ANKFY1: variants seen among roughly 807,000 people sequenced by gnomAD.
ANKFY1 encodes ankyrin repeat and FYVE domain-containing protein 1.
Under a neutral mutation model 128.3 loss-of-function variants are expected in ANKFY1, and 47 were observed. The observed-to-expected ratio is 0.37, with a 90% confidence interval of 0.29 to 0.47. ANKFY1 has a LOEUF of 0.47. Among genes scored for constraint, ANKFY1 ranks in the 20% least tolerant of loss-of-function variants. The probability of loss-of-function intolerance (pLI) is 1.00; values close to 1 mark genes in which losing one functional copy is unlikely to be tolerated. For synonymous variants in ANKFY1, 553 were observed against 601.6 expected (o/e 0.92, Z 1.18); for missense variants, 1,222 against 1,510.6 (o/e 0.81, Z 3.17).
chr17:4,243,636 G>C (rs1201884901), intron 1 of ANKFY1, among the ~76,000 whole-genome samples: 1 of 152,160 alleles, frequency 6.6e-6, no homozygotes, highest in Non-Finnish European at 1.5e-5. Context: ...GCTGGGATCT[G>C]AGCCCAACAT....
intron 3 of ANKFY1, chr17:4,223,805 T>G: frequency 6.8e-7 from 1 of 1,472,894 alleles, no homozygotes; most frequent in South Asian, 1.2e-5. Flanking sequence ...CACAGTTTCA[T>G]GCAGGCCTGG....
chr17:4,184,948 T>A lies in ANKFY1; in HGVS notation c.1569A>T (p.Glu523Asp), dbSNP rs773471365. 6.2e-7 allele frequency: 1 copy of A among 1,614,078 alleles called. No individual in the cohort carries two copies. The highest frequency in any genetic ancestry group is 2.2e-5 in the East Asian group (1 of 44,882). Residue 523 changes from glutamate to aspartate, a missense_variant, in exon 12 of 25, where the codon GAA becomes GAT. Physicochemically the swap from Glu to Asp is conservative, Grantham distance 45 (BLOSUM62 2). Coordinates refer to ENST00000341657, the MANE Select transcript of ANKFY1 (RefSeq NM_001330063.2). ...QGANPNLQTE[E>D]ALPLPKEAAS... is the part of the protein sequence containing the mutation. The stretch of plus-strand genomic sequence containing the variant: ...CGGCCTCCTTTGGCAGAGGCAGAGC[T>A]TCCTCCGTCTGCAGGTTTGGGTTGG...
Position 4,181,283 on chromosome 17 carries a change from G to A in ANKFY1, c.2211C>T (p.Asn737=), listed in dbSNP as rs371789204. 1.5e-5 allele frequency: 25 copies of A among 1,613,880 alleles called. No homozygotes were observed. Among genetic ancestry groups the A allele is most frequent in the Middle Eastern group, 1.6e-4 (1 of 6,080 alleles). ...TLLHRAIDEN[N]EPTACFLIRS... is the part of the protein sequence containing the mutation. The stretch of plus-strand genomic sequence containing the variant: ...GAATAAGAAAGCAGGCGGTGGGCTC[G>A]TTGTTTTCATCAATGGCTCTGTGCA... Residue 737 remains asparagine, a synonymous_variant, in exon 16 of 25, where the codon AAC becomes AAT. Transcript: ENST00000341657. The surrounding 1 kb of genome is among the most constrained non-coding windows in gnomAD (Gnocchi z 4.9).
At chr17:4,235,647 T>A in intron 3 of ANKFY1, 125 bp downstream of exon 3, 2 of 707,574 alleles carry the variant, frequency 2.8e-6, no homozygotes, top group Non-Finnish European at 5.0e-6. Flanking sequence ...AGTTCATGGT[T>A]GCCATCAATT....
At chr17:4,215,139 A>AT (rs765951563) in intron 4 of ANKFY1, among the ~76,000 whole-genome samples, 61 of 152,024 alleles carry the variant, frequency 4.0e-4, no homozygotes, top group Non-Finnish European at 7.4e-4. Context: ...AAATACAAAA[A>AT]TTAGCTGGGC....
chr17:4,179,717 A>G lies in ANKFY1; in HGVS notation c.2397+4T>C, dbSNP rs1405204992. 2 of 1,613,754 alleles carry G rather than the reference A, an allele frequency of 1.2e-6. No individual in the cohort carries two copies. Among genetic ancestry groups the G allele is most frequent in the Admixed American group, 1.7e-5 (1 of 60,002 alleles). On this transcript the variant is annotated splice_donor_region_variant and intron_variant, in intron 17 of 24. Transcript: ENST00000341657. The stretch of plus-strand genomic sequence containing the variant: ...TCTCTCCCCGGAAAAGAGAAACGAC[A>G]CACCTGTGCGTTCACGTTGGCACCA...
At chr17:4,252,711 A>G (rs1168980967) in intron 1 of ANKFY1, among the ~76,000 whole-genome samples, 3 of 152,216 alleles carry the variant, frequency 2.0e-5, no homozygotes, top group African/African-American at 7.2e-5. Context: ...TTCCACTCCC[A>G]GTTATTTCCT....
chr17:4,170,660 G>A (rs753579331), intron 23 of ANKFY1, 55 bp downstream of exon 23: 26 of 1,556,128 alleles, frequency 1.7e-5, no homozygotes, highest in South Asian at 3.7e-5. Flanking sequence ...AATACATGGC[G>A]ATCCCAACAC....
At chr17:4,263,908 C>T in intron 1 of ANKFY1, 24 bp downstream of exon 1, 1 of 1,613,880 alleles carries the variant, frequency 6.2e-7, no homozygotes, top group Non-Finnish European at 8.5e-7. Context: ...TGTCTTCCCG[C>T]GCGGCTCCAC....
At chr17:4,174,643 CAA>C (rs1192362471) in intron 19 of ANKFY1, among the ~76,000 whole-genome samples, 1 of 152,114 alleles carries the variant, frequency 6.6e-6, no homozygotes, top group Non-Finnish European at 1.5e-5. Context: ...AGCTGGGACT[CAA>C]AGAGAGACAC....
intron 16 of ANKFY1, chr17:4,180,288 C>T (rs901829945): frequency 7.6e-5 from 13 of 171,954 alleles, no homozygotes; most frequent in African/African-American, 1.7e-4. Context: ...ATTAACCGGG[C>T]GTGGTGGTGC....
At chr17:4,217,832 C>T (rs114749466) in intron 3 of ANKFY1, among the ~76,000 whole-genome samples, 2,684 of 152,058 alleles carry the variant, frequency 0.018, 78 homozygotes, top group African/African-American at 0.061. Flanking sequence ...ACCGCAGGTG[C>T]ATGCTAGCAT....
chr17:4,178,543 A>C lies in ANKFY1; in HGVS notation c.2598+314T>G. The C allele has an allele frequency of 2.6e-6, 1 of 389,028 alleles. No homozygotes were observed. The highest frequency in any genetic ancestry group is 4.9e-6 in the Non-Finnish European group (1 of 205,298). The allele number at this position is 389,028 out of a possible 1,614,324, so 24.1% of individuals were successfully genotyped here. A position where few individuals can be genotyped will look rare whatever the true frequency, so the allele number is the denominator to read the frequency against. ...ACAAGCTCTTTCAAAGACACTCCTC[A>C]CTAGGACAGTTAACCAACCTAGCAA... On this transcript the variant is annotated intron_variant, in intron 18 of 24. Coordinates refer to ENST00000341657, the MANE Select transcript of ANKFY1 (RefSeq NM_001330063.2). This position sits in a 1 kb window ranked among gnomAD's most constrained non-coding sequence, Gnocchi z 4.1.
chr17:4,225,899 C>T (rs1000726619), intron 3 of ANKFY1, among the ~76,000 whole-genome samples: 2 of 152,032 alleles, frequency 1.3e-5, no homozygotes, highest in African/African-American at 4.8e-5. Context: ...TAACTGGGAC[C>T]ACAGGTGAGT....
intron 4 of ANKFY1, 108 bp downstream of exon 4, chr17:4,216,875 T>G: frequency 4.0e-6 from 6 of 1,496,256 alleles, no homozygotes; most frequent in Non-Finnish European, 5.5e-6. Context: ...AAGGAACACC[T>G]TGCCAAGTTA....
intron 19 of ANKFY1, among the ~76,000 whole-genome samples, 189 bp from the exon 20 acceptor site, chr17:4,174,245 C>A (rs80008187): frequency 0.028 from 4,197 of 152,254 alleles, 70 homozygotes; most frequent in Non-Finnish European, 0.04. Flanking sequence ...GTGCCAAGGG[C>A]AAACTGGCAA....
chr17:4,184,828 C>T lies in ANKFY1; in HGVS notation c.1689G>A (p.Leu563=). ...YNHPDVVSVI[L]EQKANALHAT... ...TTCCCACTTACTTACCTTTCTGCTCCAGGATGACAGACACCACATCCGGAT... is the reference window on the plus strand; with the variant it reads ...TTCCCACTTACTTACCTTTCTGCTCTAGGATGACAGACACCACATCCGGAT... The change falls in exon 12 of 25, where the codon CTG becomes CTA. Residue 563 remains leucine (L), a synonymous_variant. Coordinates refer to ENST00000341657, the MANE Select transcript of ANKFY1 (RefSeq NM_001330063.2). 1.9e-6 allele frequency: 3 copies of T among 1,613,176 alleles called. No homozygotes were observed. The highest frequency in any genetic ancestry group is 2.5e-6 in the Non-Finnish European group (3 of 1,179,990).
chr17:4,177,523 C>T (rs2059430563), intron 18 of ANKFY1, among the ~76,000 whole-genome samples: 1 of 152,196 alleles, frequency 6.6e-6, no homozygotes, highest in South Asian at 2.1e-4. Flanking sequence ...TGGCCACACC[C>T]ACGTGGTCAG....
intron 1 of ANKFY1, among the ~76,000 whole-genome samples, chr17:4,248,361 T>C (rs1395927300): frequency 2.0e-5 from 3 of 152,212 alleles, no homozygotes; most frequent in Non-Finnish European, 4.4e-5. Context: ...ATGCTCCTTA[T>C]GAGACTCCAG....
Sources: allele counts gnomAD v4.1 joint callset (sites outside exome capture counted in the v4.1 genomes callset), GRCh38; gene constraint gnomAD v4.1.1; non-coding constraint Gnocchi (gnomAD v3.1); transcripts MANE v1.5; gene names NCBI Gene and HGNC (gene_info 2026-07-23, HGNC 2026-07-21).